ANGPT1: variants seen among roughly 807,000 people sequenced by gnomAD.
ANGPT1 encodes angiopoietin-1.
Under a neutral mutation model 62.2 loss-of-function variants are expected in ANGPT1, and 17 were observed. That is an observed-to-expected ratio of 0.27 (90% CI 0.19 to 0.41). The LOEUF (loss-of-function observed/expected upper bound fraction) is 0.41. Among genes scored for constraint, ANGPT1 ranks in the 10% least tolerant of loss-of-function variants. ANGPT1 has a pLI of 1.00. For synonymous variants in ANGPT1, 199 were observed against 198.9 expected (o/e 1.00, Z 0.00); for missense variants, 478 against 594.9 (o/e 0.80, Z 2.04).
intron 4 of ANGPT1, among the ~76,000 whole-genome samples, chr8:107,308,813 C>T (rs181602429): frequency 6.6e-6 from 1 of 152,276 alleles, no homozygotes; most frequent in Admixed American, 6.5e-5. Context: ...AGGTGCATGT[C>T]TGTCTTTCAC....
intron 7 of ANGPT1, among the ~76,000 whole-genome samples, chr8:107,278,077 T>TC (rs1277185608): frequency 6.6e-6 from 1 of 151,546 alleles, no homozygotes; most frequent in Non-Finnish European, 1.5e-5. Context: ...TCTTTTCTTT[T>TC]CTTTTTTTTT....
At chr8:107,315,807 G>A (rs1224254592) in intron 4 of ANGPT1, among the ~76,000 whole-genome samples, 2 of 152,044 alleles carry the variant, frequency 1.3e-5, no homozygotes, top group Non-Finnish European at 2.9e-5. Flanking sequence ...TAAGTGGAAA[G>A]GAAAAATAGC....
At chr8:107,331,766 T>C (rs548899374) in intron 3 of ANGPT1, among the ~76,000 whole-genome samples, 1 of 152,294 alleles carries the variant, frequency 6.6e-6, no homozygotes, top group South Asian at 2.1e-4. Context: ...TCAAACTATG[T>C]AGGAATGGCC....
At chr8:107,278,433 G>A (rs1813916055) in intron 7 of ANGPT1, among the ~76,000 whole-genome samples, 1 of 152,014 alleles carries the variant, frequency 6.6e-6, no homozygotes, top group Non-Finnish European at 1.5e-5. Flanking sequence ...CAAATACAAG[G>A]TATATATGTA....
chr8:107,324,469 T>TA (rs1369148211), intron 3 of ANGPT1, among the ~76,000 whole-genome samples: 1 of 152,006 alleles, frequency 6.6e-6, no homozygotes, highest in Non-Finnish European at 1.5e-5. Context: ...TACTGGCAGG[T>TA]AGGAGAGAGG....
chr8:107,255,765 G>C (rs1813344165), intron 8 of ANGPT1, among the ~76,000 whole-genome samples: 1 of 149,686 alleles, frequency 6.7e-6, no homozygotes, highest in Non-Finnish European at 1.5e-5. Context: ...AATCAAATAA[G>C]ATAATGCACT....
At chr8:107,493,254 A>G (rs1402403285) in intron 1 of ANGPT1, among the ~76,000 whole-genome samples, 1 of 150,564 alleles carries the variant, frequency 6.6e-6, no homozygotes, top group Non-Finnish European at 1.5e-5. Flanking sequence ...CTAGAAACAA[A>G]CAATTAAAAC....
chr8:107,265,003 T>C (rs1302121907), intron 7 of ANGPT1, among the ~76,000 whole-genome samples: 1 of 152,166 alleles, frequency 6.6e-6, no homozygotes, highest in African/African-American at 2.4e-5. Flanking sequence ...GCACTTAAGA[T>C]ATATAAGAAA....
chr8:107,473,453 G>A (rs1812417150), intron 1 of ANGPT1, among the ~76,000 whole-genome samples: 1 of 151,736 alleles, frequency 6.6e-6, no homozygotes, highest in Non-Finnish European at 1.5e-5. Flanking sequence ...GAGTCAGGTT[G>A]TCTAAAAAAA....
intron 2 of ANGPT1, among the ~76,000 whole-genome samples, chr8:107,343,464 C>T (rs1815738918): frequency 6.6e-6 from 1 of 152,254 alleles, no homozygotes; most frequent in Non-Finnish European, 1.5e-5. Flanking sequence ...CAGGAGCAGG[C>T]CTACATATCC....
intron 1 of ANGPT1, among the ~76,000 whole-genome samples, chr8:107,365,200 A>G (rs1235816052): frequency 6.6e-6 from 1 of 152,226 alleles, no homozygotes; most frequent in East Asian, 1.9e-4. Flanking sequence ...TGATGATACT[A>G]TCAATGCAAT....
intron 1 of ANGPT1, among the ~76,000 whole-genome samples, chr8:107,362,320 T>C (rs959054014): frequency 2.6e-5 from 4 of 152,200 alleles, no homozygotes; most frequent in Non-Finnish European, 4.4e-5. Context: ...GCTGTTAAAG[T>C]GGAAATATTC....
intron 4 of ANGPT1, among the ~76,000 whole-genome samples, chr8:107,316,427 A>G (rs894601951): frequency 1.3e-5 from 2 of 152,202 alleles, no homozygotes; most frequent in Non-Finnish European, 2.9e-5. Flanking sequence ...TAGAGTTGGT[A>G]ATAGAACCTA....
chr8:107,369,439 C>T (rs1583303), intron 1 of ANGPT1, among the ~76,000 whole-genome samples: 113,312 of 152,084 alleles, frequency 0.75, 43,082 homozygotes, highest in East Asian at 0.87. Flanking sequence ...GTTTTCTTAA[C>T]ATTTGTGTAT....
intron 1 of ANGPT1, among the ~76,000 whole-genome samples, chr8:107,415,776 T>C (rs1334361525): frequency 6.6e-6 from 1 of 152,136 alleles, no homozygotes; most frequent in African/African-American, 2.4e-5. Context: ...CCAGCCTATT[T>C]TAGCACATCA....
intron 1 of ANGPT1, among the ~76,000 whole-genome samples, chr8:107,391,978 C>T (rs1357587077): frequency 6.6e-6 from 1 of 152,124 alleles, no homozygotes; most frequent in Admixed American, 6.5e-5. Flanking sequence ...TATATGGTTC[C>T]TCACTGATGG....
At chr8:107,305,139 AC>A (rs1814684388) in intron 4 of ANGPT1, among the ~76,000 whole-genome samples, 1 of 151,930 alleles carries the variant, frequency 6.6e-6, no homozygotes, top group Admixed American at 6.6e-5. Context: ...AATCCCACCT[AC>A]TGGATCCTTT....
At chr8:107,431,239 A>G (rs1458440352) in intron 1 of ANGPT1, among the ~76,000 whole-genome samples, 1 of 152,212 alleles carries the variant, frequency 6.6e-6, no homozygotes, top group Non-Finnish European at 1.5e-5. Flanking sequence ...TTATAATTAG[A>G]AAATGTAAGC....
chr8:107,273,736 C>T (rs549196465), intron 7 of ANGPT1, among the ~76,000 whole-genome samples: 5 of 152,112 alleles, frequency 3.3e-5, no homozygotes, highest in Admixed American at 2.6e-4. Flanking sequence ...CATTTAATCT[C>T]CTCCAATGAA....
Sources: gnomAD v4.1 joint callset for allele counts (sites outside exome capture counted in the v4.1 genomes callset) on GRCh38, gnomAD v4.1.1 for gene constraint, MANE v1.5 for transcripts, NCBI Gene and HGNC (gene_info 2026-07-23, HGNC 2026-07-21) for gene names.